Variants in HBS1L observed in about 807,000 individuals in gnomAD.
The protein encoded by HBS1L is HBS1-like protein.
Under a neutral mutation model 88.9 loss-of-function variants are expected in HBS1L, and 55 were observed. The ratio of observed to expected loss-of-function variants is 0.62; its 90% CI spans 0.50 to 0.77. The LOEUF (loss-of-function observed/expected upper bound fraction) is 0.77, where lower values mean the gene tolerates loss of function less well. Among genes scored for constraint, HBS1L ranks in the 30% least tolerant of loss-of-function variants. HBS1L has a pLI of 0.00. For synonymous variants in HBS1L, 267 were observed against 288.5 expected (o/e 0.93, Z 0.76); for missense variants, 741 against 829.3 (o/e 0.89, Z 1.31).
chr6:134,965,595 AG>A (rs747034647), intron 17 of HBS1L, among the ~76,000 whole-genome samples: 4 of 152,230 alleles, frequency 2.6e-5, no homozygotes, highest in Non-Finnish European at 5.9e-5. Flanking sequence ...TTATGTGCTG[AG>A]TGCTTTGCAC....
intron 12 of HBS1L, 134 bp downstream of exon 12, chr6:134,985,207 G>A (rs1774943211): frequency 2.0e-6 from 1 of 501,898 alleles, no homozygotes; most frequent in Non-Finnish European, 3.6e-6. Flanking sequence ...TAATCTGACA[G>A]TGATCCTTAC....
At chr6:134,995,784 C>T (rs1360959315) in intron 7 of HBS1L, among the ~76,000 whole-genome samples, 1 of 151,848 alleles carries the variant, frequency 6.6e-6, no homozygotes, top group Non-Finnish European at 1.5e-5. Context: ...ATTTTTCTTA[C>T]TAGGATAGAA....
intron 4 of HBS1L, among the ~76,000 whole-genome samples, chr6:135,014,383 T>C (rs919983547): frequency 6.6e-6 from 1 of 152,206 alleles, no homozygotes; most frequent in African/African-American, 2.4e-5. Context: ...TATAGCATGT[T>C]CTTGGCACTG....
intron 16 of HBS1L, among the ~76,000 whole-genome samples, chr6:134,967,887 G>A (rs1443823168): frequency 6.6e-6 from 1 of 152,122 alleles, no homozygotes; most frequent in Non-Finnish European, 1.5e-5. Flanking sequence ...AGAAATGTTA[G>A]TCATATAGTT....
At chr6:135,035,750 C>CAAAAAAAAAAAAA (rs34517904) in intron 4 of HBS1L, 4 of 71,084 alleles carry the variant, frequency 5.6e-5, no homozygotes, top group East Asian at 5.0e-4. Flanking sequence ...GACTCTGTCT[C>CAAAAAAAAAAAAA]AAAAAAAAAA....
chr6:134,969,086 T>A, intron 16 of HBS1L, 152 bp downstream of exon 16: 2 of 603,992 alleles, frequency 3.3e-6, no homozygotes, highest in South Asian at 4.2e-5. Context: ...CTTGTTTTTA[T>A]GTTTGTTTTA....
chr6:134,977,076 A>C (rs1322885658), intron 15 of HBS1L, among the ~76,000 whole-genome samples: 1 of 152,050 alleles, frequency 6.6e-6, no homozygotes, highest in Non-Finnish European at 1.5e-5. Flanking sequence ...TTGTTTGCTT[A>C]AAAAATTTTT....
intron 1 of HBS1L, among the ~76,000 whole-genome samples, chr6:135,051,737 A>C (rs1312998424): frequency 3.3e-5 from 5 of 152,238 alleles, no homozygotes; most frequent in Admixed American, 6.5e-5. Flanking sequence ...CACTAGATTA[A>C]TATTTGTTTT....
At chr6:134,975,672 CAATGGATGGTGCTGGGAA>C (rs1350639535) in intron 15 of HBS1L, among the ~76,000 whole-genome samples, 1 of 152,054 alleles carries the variant, frequency 6.6e-6, no homozygotes, top group African/African-American at 2.4e-5. Flanking sequence ...ACACCCTATT[CAATGGATGGTGCTGGGAA>C]AATGGATGGT....
intron 15 of HBS1L, among the ~76,000 whole-genome samples, chr6:134,973,547 G>A (rs116303346): frequency 0.014 from 2,108 of 152,310 alleles, 66 homozygotes; most frequent in African/African-American, 0.048. Flanking sequence ...AGGCGCAGTG[G>A]CTCAATGCCT....
chr6:135,040,285 T>C (rs1009166934), intron 3 of HBS1L, among the ~76,000 whole-genome samples: 1 of 148,320 alleles, frequency 6.7e-6, no homozygotes, highest in African/African-American at 2.5e-5. Flanking sequence ...CAAGATAACA[T>C]AATATAAAAA....
chr6:134,996,656 G>T, intron 7 of HBS1L, 121 bp downstream of exon 7: 1 of 684,874 alleles, frequency 1.5e-6, no homozygotes, highest in Non-Finnish European at 2.2e-6. Context: ...ATATCTAAAA[G>T]CTATTTTCTA....
chr6:134,969,861 C>T (rs1774431811), intron 15 of HBS1L, among the ~76,000 whole-genome samples: 1 of 152,002 alleles, frequency 6.6e-6, no homozygotes, highest in Non-Finnish European at 1.5e-5. Context: ...GAAGTTCAAC[C>T]AATATAAATT....
chr6:135,007,334 A>ACCC (rs1775642486), intron 4 of HBS1L, among the ~76,000 whole-genome samples: 1 of 152,126 alleles, frequency 6.6e-6, no homozygotes, highest in African/African-American at 2.4e-5. Context: ...TCAGTCAGGT[A>ACCC]CCCCTTTTAA....
In HBS1L at chr6:134,996,959, C is replaced by A; in HGVS notation, c.800-17G>T. ...CAACATGACCTAAAGAAAATTGATT[C>A]AGGATTAATACCAGGTACATTTCCA... On this transcript the variant is annotated splice_polypyrimidine_tract_variant and intron_variant, in intron 6 of 17. Coordinates refer to ENST00000367837, the MANE Select transcript of HBS1L (RefSeq NM_006620.4). 3 of 1,550,642 alleles carry A rather than the reference C, an allele frequency of 1.9e-6. No individual in the cohort carries two copies. The highest frequency in any genetic ancestry group is 2.6e-6 in the Non-Finnish European group (3 of 1,150,474).
intron 2 of HBS1L, among the ~76,000 whole-genome samples, chr6:135,044,490 C>T (rs1031327280): frequency 1.3e-5 from 2 of 152,150 alleles, no homozygotes; most frequent in Non-Finnish European, 2.9e-5. Flanking sequence ...AAGAGACATC[C>T]TATTTCATAA....
intron 8 of HBS1L, among the ~76,000 whole-genome samples, chr6:134,988,432 T>C (rs1336763064): frequency 2.8e-5 from 4 of 140,926 alleles, no homozygotes; most frequent in African/African-American, 5.7e-5. Flanking sequence ...ATAATCTCTA[T>C]AGAATCTTTA....
chr6:135,034,089 C>T (rs537167708), intron 4 of HBS1L, among the ~76,000 whole-genome samples: 1 of 151,446 alleles, frequency 6.6e-6, no homozygotes, highest in African/African-American at 2.4e-5. Context: ...TGCACTGATA[C>T]ATTCAATTAA....
At chr6:135,011,942 T>G (rs975811855) in intron 4 of HBS1L, among the ~76,000 whole-genome samples, 1 of 133,800 alleles carries the variant, frequency 7.5e-6, no homozygotes, top group African/African-American at 2.8e-5. Context: ...TCCTACAAAC[T>G]AGTGAGAAAA....
Sources: gnomAD v4.1 joint callset for allele counts (sites outside exome capture counted in the v4.1 genomes callset) on GRCh38, gnomAD v4.1.1 for gene constraint, MANE v1.5 for transcripts, NCBI Gene and HGNC (gene_info 2026-07-23, HGNC 2026-07-21) for gene names.